Variants in SLIT3 observed in about 807,000 individuals in gnomAD.
SLIT3 encodes slit homolog 3 protein.
Under a neutral mutation model 184.0 loss-of-function variants are expected in SLIT3, and 68 were observed. The ratio of observed to expected loss-of-function variants is 0.37; its 90% CI spans 0.30 to 0.45. SLIT3 has a LOEUF of 0.45. Among genes scored for constraint, SLIT3 ranks in the 20% least tolerant of loss-of-function variants. The pLI, the probability that SLIT3 is intolerant of heterozygous loss-of-function variation, is 1.00. For missense variants in SLIT3, 1,707 were observed against 2,026.0 expected (o/e 0.84, Z 3.02); for synonymous variants, 831 against 828.6 (o/e 1.00, Z -0.05).
chr5:168,710,943 C>T lies in SLIT3; in HGVS notation c.2671G>A (p.Ala891Thr), dbSNP rs765868714. Residue 891 changes from alanine to threonine, a missense_variant, in exon 25 of 36, where the codon GCT becomes ACT. Ala to Thr is a moderately conservative substitution (Grantham distance 58). Coordinates refer to ENST00000519560, the MANE Select transcript of SLIT3 (RefSeq NM_003062.4). Reference protein sequence around the residue: ...IARCSSPEPMADRLLLTTPTH... With the variant: ...IARCSSPEPMTDRLLLTTPTH... The stretch of plus-strand genomic sequence containing the variant: ...GGGGTGGTGAGCAGGAGCCTGTCAG[C>T]CATGGGCTCAGGGCTACTGCAGCGG... 1.3e-6 allele frequency: 2 copies of T among 1,564,950 alleles called. No homozygotes were observed. Among genetic ancestry groups the T allele is most frequent in the South Asian group, 2.4e-5 (2 of 84,790 alleles).
At chr5:168,828,664 A>AAAAAAAAAAAAAAAAG (rs1757780042) in intron 6 of SLIT3, among the ~76,000 whole-genome samples, 7 of 150,594 alleles carry the variant, frequency 4.6e-5, no homozygotes, top group Admixed American at 6.6e-5. Flanking sequence ...GACTCAAAAA[A>AAAAAAAAAAAAAAAAG]AAAAAAGAAA....
chr5:168,833,834 T>C (rs1427493983), intron 6 of SLIT3, among the ~76,000 whole-genome samples: 1 of 152,236 alleles, frequency 6.6e-6, no homozygotes, highest in African/African-American at 2.4e-5. Context: ...TTCTTTTTTT[T>C]TAAATGAAGT....
chr5:168,819,152 T>G (rs1757437223), intron 7 of SLIT3, among the ~76,000 whole-genome samples: 1 of 152,216 alleles, frequency 6.6e-6, no homozygotes, highest in Non-Finnish European at 1.5e-5. Context: ...AAGCACTGCT[T>G]GCTCTTCGCC....
chr5:169,079,663 GGAGGGA>G (rs1758908249), intron 4 of SLIT3, among the ~76,000 whole-genome samples: 1 of 101,754 alleles, frequency 9.8e-6, no homozygotes, highest in African/African-American at 4.0e-5. Context: ...AAGAGGAGGA[GGAGGGA>G]AGAGGAGGAG....
chr5:168,685,537 T>C (rs1000160391), intron 31 of SLIT3, 150 bp downstream of exon 31: 6 of 1,007,014 alleles, frequency 6.0e-6, no homozygotes, highest in Non-Finnish European at 8.5e-6. Flanking sequence ...TATAGAACTC[T>C]CTGGATGAGT....
At chr5:169,178,417 T>C (rs1763046907) in intron 4 of SLIT3, among the ~76,000 whole-genome samples, 1 of 152,178 alleles carries the variant, frequency 6.6e-6, no homozygotes, top group African/African-American at 2.4e-5. Flanking sequence ...AGCTCTGGCA[T>C]TCTATGAAGG....
At chr5:169,159,719 T>C (rs1327076210) in intron 4 of SLIT3, among the ~76,000 whole-genome samples, 6 of 152,230 alleles carry the variant, frequency 3.9e-5, no homozygotes, top group African/African-American at 1.2e-4. Flanking sequence ...GAGCTTGCAG[T>C]GAGCCCAGAT....
At chr5:168,745,370 C>A (rs947894569) in intron 20 of SLIT3, among the ~76,000 whole-genome samples, 1 of 152,036 alleles carries the variant, frequency 6.6e-6, no homozygotes, top group South Asian at 2.1e-4. Context: ...TATTATATAA[C>A]CTCAGTTGAT....
At chr5:169,142,665 A>G (rs554441410) in intron 4 of SLIT3, among the ~76,000 whole-genome samples, 1 of 152,340 alleles carries the variant, frequency 6.6e-6, no homozygotes, top group South Asian at 2.1e-4. Flanking sequence ...CACTCTGGAC[A>G]TAAGCCCTAA....
intron 5 of SLIT3, among the ~76,000 whole-genome samples, chr5:168,870,777 G>A (rs1006304192): frequency 4.6e-5 from 7 of 152,318 alleles, no homozygotes; most frequent in Non-Finnish European, 7.3e-5. Context: ...AATGTCAAAA[G>A]AGGCAATTTA....
chr5:168,902,973 T>A (rs2113034349), intron 4 of SLIT3, among the ~76,000 whole-genome samples: 1 of 152,182 alleles, frequency 6.6e-6, no homozygotes, highest in African/African-American at 2.4e-5. Context: ...TTGGATATGA[T>A]CTGAGGACGA....
chr5:168,889,126 C>T lies in SLIT3; in HGVS notation c.414-5790G>A, dbSNP rs1307442867. Among the ~76,000 whole-genome samples the T allele has an allele frequency of 2.6e-5, 4 of 152,302 alleles. No homozygotes were observed. The South Asian group carries it at 8.3e-4, about 32-fold the overall frequency. ...ACTGTTTTGCTTACTTTATTTTATACAGCAGGAGGGACAAACATGCAGGAA... is the reference window on the plus strand; with the variant it reads ...ACTGTTTTGCTTACTTTATTTTATATAGCAGGAGGGACAAACATGCAGGAA... On this transcript the variant is annotated intron_variant, in intron 4 of 35. Coordinates refer to ENST00000519560, the MANE Select transcript of SLIT3 (RefSeq NM_003062.4).
Position 168,926,218 on chromosome 5 carries a change from G to C in SLIT3, c.414-42882C>G, listed in dbSNP as rs149734150. On this transcript the variant is annotated intron_variant, in intron 4 of 35. Coordinates refer to ENST00000519560, the MANE Select transcript of SLIT3 (RefSeq NM_003062.4). ...CAACAGGGTTCTCAGTGATAACACT[G>C]CTTTTCTCTTGGGAGCGGTGACTTG... Among the ~76,000 whole-genome samples the C allele has an allele frequency of 9.3e-3, 1,414 of 152,210 alleles. 19 individuals carry two copies. Among genetic ancestry groups the C allele is most frequent in the African/African-American group, 0.032 (1,341 of 41,514 alleles).
chr5:168,761,310 C>T (rs1306310833), intron 15 of SLIT3, among the ~76,000 whole-genome samples: 1 of 152,068 alleles, frequency 6.6e-6, no homozygotes, highest in Non-Finnish European at 1.5e-5. Flanking sequence ...CCCTCCAAGC[C>T]CTTCAGCTCC....
At chr5:169,047,247 G>T (rs1757657772) in intron 4 of SLIT3, among the ~76,000 whole-genome samples, 2 of 152,004 alleles carry the variant, frequency 1.3e-5, no homozygotes, top group African/African-American at 4.8e-5. Flanking sequence ...TCCTTATCCT[G>T]GTGAACAATG....
intron 4 of SLIT3, among the ~76,000 whole-genome samples, chr5:169,015,695 C>G (rs1191058069): frequency 6.6e-6 from 1 of 152,068 alleles, no homozygotes; most frequent in Admixed American, 6.5e-5. Flanking sequence ...CTTTGGGAGG[C>G]TGAGGCAAGA....
At chr5:169,263,836 T>C in intron 1 of SLIT3, 1 of 331,490 alleles carries the variant, frequency 3.0e-6, no homozygotes, top group Non-Finnish European at 5.9e-6. Flanking sequence ...GCTGCCTGTT[T>C]CCTGTGTGTC....
intron 4 of SLIT3, among the ~76,000 whole-genome samples, chr5:169,032,906 T>C (rs1461654700): frequency 6.7e-6 from 1 of 150,304 alleles, no homozygotes; most frequent in Admixed American, 6.6e-5. Context: ...ATCTCATAAG[T>C]ATCCATTTTT....
intron 20 of SLIT3, among the ~76,000 whole-genome samples, chr5:168,748,081 A>G (rs11741722): frequency 0.14 from 21,522 of 152,068 alleles, 1,909 homozygotes; most frequent in East Asian, 0.29. Context: ...CTCCTCTGCC[A>G]GGCAGAGGCA....
Sources: gnomAD v4.1 joint callset for allele counts (sites outside exome capture counted in the v4.1 genomes callset) on GRCh38, gnomAD v4.1.1 for gene constraint, MANE v1.5 for transcripts, NCBI Gene and HGNC (gene_info 2026-07-23, HGNC 2026-07-21) for gene names.